CYP4X1: variants seen among roughly 807,000 people sequenced by gnomAD.
CYP4X1 encodes cytochrome P450 4X1.
A neutral mutation model predicts 57.9 loss-of-function variants in CYP4X1; 44 were observed. The observed-to-expected ratio is 0.76, with a 90% CI of 0.60 to 0.98. The LOEUF (loss-of-function observed/expected upper bound fraction) is 0.98. Among genes scored for constraint, CYP4X1 ranks in the 50% least tolerant of loss-of-function variants. The pLI, the probability that CYP4X1 is intolerant of heterozygous loss-of-function variation, is 0.00. For missense variants in CYP4X1, 532 were observed against 623.9 expected, an observed-to-expected ratio of 0.85 and a Z score of 1.57; for synonymous variants, 227 against 228.6, an observed-to-expected ratio of 0.99 and a Z score of 0.06.
At chr1:47,008,531 A>C in the CYP4X1 span, among the ~76,000 whole-genome samples, 33 of 152,164 alleles carry the variant, frequency 2.2e-4, no homozygotes, top group African/African-American at 5.3e-4. Flanking sequence ...AGCAAAATAA[A>C]CAGCTAACAT....
chr1:47,021,142 CAAAAAAAAAAAAAAA>C (rs546594827), upstream of CYP4X1, among the ~76,000 whole-genome samples: 1 of 47,458 alleles, frequency 2.1e-5, no homozygotes, highest in South Asian at 1.8e-3. Context: ...GCAGGAATGC[CAAAAAAAAAAAAAAA>C]AAAAAAAAAA....
intron 8 of CYP4X1, among the ~76,000 whole-genome samples, chr1:47,042,359 G>A (rs888499323): frequency 6.6e-6 from 1 of 151,490 alleles, no homozygotes; most frequent in Non-Finnish European, 1.5e-5. Context: ...TCTTTGGGTA[G>A]TATGGATATT....
chr1:47,028,745 T>C (rs969457722), intron 1 of CYP4X1, among the ~76,000 whole-genome samples: 6 of 152,254 alleles, frequency 3.9e-5, no homozygotes, highest in Admixed American at 3.3e-4. Flanking sequence ...TTTACAATAT[T>C]CATGAGGGCA....
At chr1:47,048,715 A>G (rs1644329258) in intron 10 of CYP4X1, 86 bp downstream of exon 10, 2 of 1,260,192 alleles carry the variant, frequency 1.6e-6, no homozygotes, top group Non-Finnish European at 1.1e-6. Context: ...AAGTGGCTAT[A>G]TAATTAAGGG....
intron 4 of CYP4X1, among the ~76,000 whole-genome samples, chr1:47,035,330 T>C (rs767024074): frequency 6.6e-6 from 1 of 152,080 alleles, no homozygotes; most frequent in Non-Finnish European, 1.5e-5. Context: ...CCACACTTGC[T>C]CTGTTTCTCA....
rs1465312707 is a variant in CYP4X1, at chr1:47,050,724, A to C, written c.*550A>C. On this transcript the variant is annotated 3_prime_UTR_variant, in exon 12 of 12. Coordinates refer to ENST00000371901, the MANE Select transcript of CYP4X1 (RefSeq NM_178033.2). ...TCCTATATTGTTATTGATTTTTTTC[A>C]CTTAATAAAAATTCACCTTATTCCT... 3 of 152,196 alleles carry C rather than the reference A, an allele frequency of 2.0e-5. No homozygotes were observed. Among genetic ancestry groups the C allele is most frequent in the Non-Finnish European group, 4.4e-5 (3 of 68,066 alleles). 9.4% of individuals were successfully genotyped at this position (152,196 alleles called of 1,614,324 possible). A position where few individuals can be genotyped will look rare whatever the true frequency, so the allele number is the denominator to read the frequency against.
At chr1:47,032,898 T>C (rs1196378795) in intron 3 of CYP4X1, among the ~76,000 whole-genome samples, 1 of 152,172 alleles carries the variant, frequency 6.6e-6, no homozygotes, top group Admixed American at 6.5e-5. Flanking sequence ...TAGTTCATTA[T>C]TGAGAAAAGT....
chr1:46,961,501 A>C, the CYP4X1 span: 8 of 1,156,542 alleles, frequency 6.9e-6, no homozygotes, highest in South Asian at 3.4e-5. Context: ...ATTTGAGCCC[A>C]ACTATGTCAA....
chr1:47,017,313 T>C, the CYP4X1 span, among the ~76,000 whole-genome samples: 1 of 152,150 alleles, frequency 6.6e-6, no homozygotes, highest in Non-Finnish European at 1.5e-5. Flanking sequence ...GTGGAATGAA[T>C]GACAAATGAA....
chr1:46,972,454 T>C, the CYP4X1 span, among the ~76,000 whole-genome samples: 1 of 152,178 alleles, frequency 6.6e-6, no homozygotes, highest in African/African-American at 2.4e-5. Context: ...TTTAGAGTGG[T>C]TGTTTCTAAT....
intron 8 of CYP4X1, 48 bp from the exon 9 acceptor site, chr1:47,046,419 G>A: frequency 6.2e-7 from 1 of 1,603,642 alleles, no homozygotes; most frequent in Non-Finnish European, 8.5e-7. Flanking sequence ...CAGAAAAAAA[G>A]TAAACTGGTT....
At chr1:47,033,141 G>A in intron 3 of CYP4X1, 100 bp from the exon 4 acceptor site, 3 of 1,320,348 alleles carry the variant, frequency 2.3e-6, no homozygotes, top group South Asian at 1.5e-5. Flanking sequence ...TTGCATGACT[G>A]CCTGTGGGTC....
upstream of CYP4X1, among the ~76,000 whole-genome samples, chr1:47,022,378 C>T (rs568774847): frequency 1.9e-3 from 280 of 147,010 alleles, no homozygotes; most frequent in African/African-American, 6.8e-3. Flanking sequence ...GCAATCTTTG[C>T]CTCTCGGGTT....
At chr1:47,052,167 A>G (rs544909600), downstream of CYP4X1, among the ~76,000 whole-genome samples, 12 of 152,146 alleles carry the variant, frequency 7.9e-5, no homozygotes, top group Middle Eastern at 3.4e-3. Context: ...TTCATATCCA[A>G]TTTTACTTTA....
At chr1:47,009,892 C>T in the CYP4X1 span, among the ~76,000 whole-genome samples, 1 of 152,208 alleles carries the variant, frequency 6.6e-6, no homozygotes, top group Non-Finnish European at 1.5e-5. Flanking sequence ...AGACCAATAA[C>T]AGGCTCTGAA....
upstream of CYP4X1, among the ~76,000 whole-genome samples, chr1:47,022,525 G>C (rs1212899662): frequency 6.6e-6 from 1 of 151,866 alleles, no homozygotes; most frequent in Non-Finnish European, 1.5e-5. Flanking sequence ...CCTTGACCTC[G>C]TGATCCGCCC....
chr1:47,036,004 C>CT lies in CYP4X1; in HGVS notation c.621-10dup. 1 of 1,610,152 alleles carries CT rather than the reference C, an allele frequency of 6.2e-7. No homozygotes were observed. Among genetic ancestry groups the CT allele is most frequent in the East Asian group, 2.2e-5 (1 of 44,740 alleles). ...GTTGTTTATTAACACATTATCCCAA[C>CT]TTTCTCTTCTAGCACCCATGATCCT... On this transcript the variant is annotated splice_polypyrimidine_tract_variant and intron_variant, in intron 5 of 11. Coordinates refer to ENST00000371901, the MANE Select transcript of CYP4X1 (RefSeq NM_178033.2).
At chr1:46,963,901 C>A in the CYP4X1 span, among the ~76,000 whole-genome samples, 1 of 152,218 alleles carries the variant, frequency 6.6e-6, no homozygotes, top group African/African-American at 2.4e-5. Flanking sequence ...TAGATTTGGT[C>A]TCTTCACATA....
At chr1:46,975,171 C>T in the CYP4X1 span, among the ~76,000 whole-genome samples, 13 of 152,106 alleles carry the variant, frequency 8.5e-5, no homozygotes, top group Admixed American at 3.9e-4. Flanking sequence ...AGCCTGTTTA[C>T]GTTCAAGGTT....
Sources: gnomAD v4.1 joint callset for allele counts (sites outside exome capture counted in the v4.1 genomes callset) on GRCh38, gnomAD v4.1.1 for gene constraint, MANE v1.5 for transcripts, NCBI Gene and HGNC (gene_info 2026-07-23, HGNC 2026-07-21) for gene names.